Variants in PARP14 observed in about 807,000 individuals in gnomAD.
PARP14 encodes protein mono-ADP-ribosyltransferase PARP14.
Under a neutral mutation model 154.2 loss-of-function variants are expected in PARP14, and 59 were observed. That is an observed-to-expected ratio of 0.38 (90% CI 0.31 to 0.48). PARP14 has a LOEUF of 0.48. PARP14 is among the 20% of genes least tolerant of loss of function. The pLI is 0.98. For missense variants in PARP14, 1,734 were observed against 2,131.6 expected, an observed-to-expected ratio of 0.81 and a Z score of 3.67; for synonymous variants, 720 against 780.5, an observed-to-expected ratio of 0.92 and a Z score of 1.29.
intron 3 of PARP14, among the ~76,000 whole-genome samples, chr3:122,690,484 A>C (rs948844923): frequency 6.6e-6 from 1 of 152,118 alleles, no homozygotes; most frequent in African/African-American, 2.4e-5. Context: ...CAACCTCCCA[A>C]ATCAGTAACC....
At position 122,685,328 on chromosome 3, in the gene PARP14, C is replaced by G; in HGVS notation, c.321+10C>G. The G allele has an allele frequency of 6.2e-7, 1 of 1,612,768 alleles. No individual in the cohort carries two copies. Among genetic ancestry groups the G allele is most frequent in the African/African-American group, 1.3e-5 (1 of 75,012 alleles). On this transcript the variant is annotated intron_variant, in intron 2 of 16. Coordinates refer to ENST00000474629, the MANE Select transcript of PARP14 (RefSeq NM_017554.3). ...GGAACTTCTAACAAAAGCAAGTAAA[C>G]TTTAGGCATGAATAAAAGGGATTTA...
At chr3:122,726,305 A>G (rs1476980524) in intron 15 of PARP14, among the ~76,000 whole-genome samples, 2 of 152,118 alleles carry the variant, frequency 1.3e-5, no homozygotes, top group Non-Finnish European at 2.9e-5. Flanking sequence ...GTTTTTATTT[A>G]TCTGAAAACG....
Position 122,728,535 on chromosome 3 carries a change from T to A in PARP14, c.5344T>A (p.Leu1782Ile). The change falls in exon 17 of 17, where the codon TTA becomes ATA. Residue 1782 changes from leucine to isoleucine, a missense_variant. Coordinates refer to ENST00000474629, the MANE Select transcript of PARP14 (RefSeq NM_017554.3). ...CACAGATAATGTGCACCATCCAAGT[T>A]TATTTGTGGCATTTTATGACTACCA... Reference protein sequence around the residue: ...TVTDNVHHPSLFVAFYDYQAY... With the variant: ...TVTDNVHHPSIFVAFYDYQAY... The A allele has an allele frequency of 6.2e-7, 1 of 1,613,910 alleles. No individual in the cohort carries two copies. The highest frequency in any genetic ancestry group is 8.5e-7 in the Non-Finnish European group (1 of 1,179,816).
chr3:122,724,079 C>A (rs1228198249), intron 15 of PARP14, among the ~76,000 whole-genome samples: 1 of 152,092 alleles, frequency 6.6e-6, no homozygotes, highest in East Asian at 1.9e-4. Flanking sequence ...TTGAGCATTT[C>A]TTTACTTTTT....
In PARP14 at chr3:122,708,196, T is replaced by C. The variant is rs1218015353; in HGVS notation, c.3547T>C (p.Ser1183Pro). Residue 1183 changes from serine to proline, a missense_variant, in exon 9 of 17, where the codon TCA becomes CCA. By Grantham distance (74) the Ser-to-Pro change is moderately conservative (BLOSUM62 -1). This residue lies in a region of PARP14 where 1,646 missense variants were observed against 1,976.0 expected (regional missense o/e 0.83). Coordinates refer to ENST00000474629, the MANE Select transcript of PARP14 (RefSeq NM_017554.3). ...PSDHENIQAF[S>P]DEFARRANGN... ...CGCTGTGTTTATATTTCAGGCATTT[T>C]CAGATGAATTTGCCAGAAGGGCTAA... 1.9e-6 allele frequency: 3 copies of C among 1,547,082 alleles called. No homozygotes were observed. The highest frequency in any genetic ancestry group is 1.8e-6 in the Non-Finnish European group (2 of 1,135,606).
rs371003588 is a variant in PARP14, at chr3:122,714,433, C to T, written c.4000+4C>T. On this transcript the variant is annotated splice_donor_region_variant and intron_variant, in intron 12 of 16. Transcript: ENST00000474629. ...TGCCTCCCAGCCATTGGGACAGGTTCGTAGCCTCTGGCTGTCAAGGCTAAA... is the reference window on the plus strand; with the variant it reads ...TGCCTCCCAGCCATTGGGACAGGTTTGTAGCCTCTGGCTGTCAAGGCTAAA... The T allele has an allele frequency of 8.4e-6, 13 of 1,555,142 alleles. No individual in the cohort carries two copies. The highest frequency in any genetic ancestry group is 3.7e-5 in the South Asian group (3 of 81,266).
chr3:122,714,839 A>G (rs1932946071), intron 12 of PARP14, among the ~76,000 whole-genome samples: 1 of 152,118 alleles, frequency 6.6e-6, no homozygotes, highest in African/African-American at 2.4e-5. Flanking sequence ...TATTAGTACA[A>G]CAACTTCCAC....
intron 4 of PARP14, among the ~76,000 whole-genome samples, chr3:122,693,441 G>C (rs1183337973): frequency 6.6e-6 from 1 of 152,202 alleles, no homozygotes; most frequent in Non-Finnish European, 1.5e-5. Context: ...GGTTGGCCAA[G>C]TTATTATCCT....
intron 15 of PARP14, among the ~76,000 whole-genome samples, chr3:122,726,977 A>G (rs1412204503): frequency 1.1e-4 from 17 of 150,176 alleles, no homozygotes; most frequent in Non-Finnish European, 2.2e-4. Flanking sequence ...TCTTAATTAA[A>G]AAGAGAAAAC....
At chr3:122,693,544 G>A (rs2107639879) in intron 4 of PARP14, among the ~76,000 whole-genome samples, 1 of 152,238 alleles carries the variant, frequency 6.6e-6, no homozygotes. Flanking sequence ...TGTTTGAAAA[G>A]TACTTAACAT....
intron 12 of PARP14, among the ~76,000 whole-genome samples, chr3:122,715,137 C>A (rs1412749547): frequency 1.3e-5 from 2 of 151,668 alleles, no homozygotes; most frequent in African/African-American, 4.8e-5. Flanking sequence ...GGTACATGGG[C>A]AGAATGTGCA....
At chr3:122,692,589 T>A (rs776236472) in intron 4 of PARP14, 46 bp downstream of exon 4, 1 of 1,543,256 alleles carries the variant, frequency 6.5e-7, no homozygotes, top group Non-Finnish European at 8.8e-7. Context: ...TTGTACCACA[T>A]CATGAGACTT....
intron 12 of PARP14, 120 bp downstream of exon 12, chr3:122,714,549 G>C: frequency 1.6e-6 from 1 of 634,338 alleles, no homozygotes; most frequent in Non-Finnish European, 2.5e-6. Flanking sequence ...ATTAAGCTAG[G>C]AGTGGACAGC....
In PARP14 at chr3:122,695,509, A is replaced by G. The variant is rs1339307315; in HGVS notation, c.682A>G (p.Asn228Asp). 1 of 1,610,800 alleles carries G rather than the reference A, an allele frequency of 6.2e-7. No homozygotes were observed. Among genetic ancestry groups the G allele is most frequent in the East Asian group, 2.2e-5 (1 of 44,842 alleles). ...QLSPRLLEVT[N>D]TIRVENLPPG... The stretch of plus-strand genomic sequence containing the variant: ...TTCTCCAAGACTTCTGGAAGTGACA[A>G]ACACAATCAGGGTTGAAAACCTGCC... The change falls in exon 5 of 17, where the codon AAC becomes GAC. Residue 228 changes from asparagine (N) to aspartate (D), a missense_variant. By Grantham distance (23) the Asn-to-Asp change is conservative. This residue lies in a region of PARP14 where 1,646 missense variants were observed against 1,976.0 expected (regional missense o/e 0.83). Transcript: ENST00000474629.
Position 122,728,561 on chromosome 3 carries a change from A to G in PARP14, c.5370A>G (p.Gln1790=), listed in dbSNP as rs1307538821. 1.1e-5 allele frequency: 18 copies of G among 1,613,786 alleles called. No homozygotes were observed. Among genetic ancestry groups the G allele is most frequent in the Non-Finnish European group, 1.5e-5 (18 of 1,179,700 alleles). The change falls in exon 17 of 17, where the codon CAA becomes CAG. Residue 1790 remains glutamine, a synonymous_variant. Transcript: ENST00000474629. ...TATTTGTGGCATTTTATGACTACCA[A>G]GCATACCCAGAGTACCTTATTACGT... ...PSLFVAFYDY[Q]AYPEYLITFR... is the part of the protein sequence containing the mutation.
At chr3:122,704,054 C>A in intron 7 of PARP14, 76 bp downstream of exon 7, 1 of 930,980 alleles carries the variant, frequency 1.1e-6, no homozygotes, top group Non-Finnish European at 1.7e-6. Context: ...ATTAATTGGA[C>A]ATAGATTGGG....
intron 3 of PARP14, among the ~76,000 whole-genome samples, chr3:122,690,698 G>A (rs1471329640): frequency 2.6e-5 from 4 of 152,196 alleles, no homozygotes; most frequent in African/African-American, 9.6e-5. Flanking sequence ...TTTTGGTAGA[G>A]ACAGGGTTTC....
chr3:122,689,271 C>T (rs941657584), intron 3 of PARP14, among the ~76,000 whole-genome samples: 4 of 152,208 alleles, frequency 2.6e-5, no homozygotes, highest in African/African-American at 9.6e-5. Flanking sequence ...ACCTACTAGA[C>T]ATTTCACGCA....
chr3:122,710,064 T>A (rs1045131900), intron 9 of PARP14, among the ~76,000 whole-genome samples: 42 of 152,278 alleles, frequency 2.8e-4, no homozygotes, highest in African/African-American at 9.9e-4. Context: ...TTTAGTTTAA[T>A]TAGGTCCCAT....
Sources: gnomAD v4.1 joint callset for allele counts (sites outside exome capture counted in the v4.1 genomes callset) on GRCh38, gnomAD v4.1.1 for gene constraint, gnomAD v4.1.1 regional missense constraint, MANE v1.5 for transcripts, NCBI Gene and HGNC (gene_info 2026-07-23, HGNC 2026-07-21) for gene names.